The following ASAP2 variants were observed in gnomAD, a reference collection of about 807,000 sequenced individuals.
ASAP2 encodes ArfGAP with SH3 domain, ankyrin repeat and PH domain 2.
ASAP2 carries 45 observed loss-of-function variants against 131.4 expected under a neutral mutation model. The ratio of observed to expected loss-of-function variants is 0.34; its 90% CI spans 0.27 to 0.44. The LOEUF (loss-of-function observed/expected upper bound fraction) is 0.44. ASAP2 is among the 20% of genes least tolerant of loss of function. The pLI is 1.00. For synonymous variants in ASAP2, 510 were observed against 503.0 expected (o/e 1.01, Z -0.19); for missense variants, 1,011 against 1,297.0 (o/e 0.78, Z 3.39).
chr2:9,273,156 A>G (rs1026361254), intron 1 of ASAP2, among the ~76,000 whole-genome samples: 5 of 152,200 alleles, frequency 3.3e-5, no homozygotes, highest in African/African-American at 1.2e-4. Flanking sequence ...CATTTTAACA[A>G]TATTGATTCT....
In ASAP2 at chr2:9,405,541, T is replaced by TG. The variant is rs755942484; in HGVS notation, c.*2215dup. 6.6e-6 allele frequency: 1 copy of TG among 152,662 alleles called. No homozygotes were observed. Among genetic ancestry groups the TG allele is most frequent in the Non-Finnish European group, 1.5e-5 (1 of 68,044 alleles). 9.5% of individuals were successfully genotyped at this position (152,662 alleles called of 1,614,324 possible). On this transcript the variant is annotated 3_prime_UTR_variant, in exon 28 of 28. Coordinates refer to ENST00000281419, the MANE Select transcript of ASAP2 (RefSeq NM_003887.3). ...CTGATTACTTTGGTTGCAGCACAAC[T>TG]GTATATATTGTATAACCGAAATTGA...
At chr2:9,234,452 C>T (rs552362514) in intron 1 of ASAP2, among the ~76,000 whole-genome samples, 12 of 152,088 alleles carry the variant, frequency 7.9e-5, no homozygotes, top group African/African-American at 1.7e-4. Context: ...AAGGTAATGG[C>T]GGCGCGTGGC....
intron 16 of ASAP2, among the ~76,000 whole-genome samples, chr2:9,372,437 G>A (rs1450176966): frequency 2.0e-5 from 3 of 152,054 alleles, no homozygotes; most frequent in Non-Finnish European, 4.4e-5. Context: ...GAAACTCAAA[G>A]GTTTCTGGAA....
At chr2:9,319,637 A>C (rs1670027936) in intron 4 of ASAP2, among the ~76,000 whole-genome samples, 1 of 152,260 alleles carries the variant, frequency 6.6e-6, no homozygotes, top group South Asian at 2.1e-4. Flanking sequence ...ACCTGAGGCC[A>C]TTGAAAAGCC....
intron 3 of ASAP2, among the ~76,000 whole-genome samples, chr2:9,316,096 A>C (rs1469546746): frequency 6.6e-6 from 1 of 152,102 alleles, no homozygotes; most frequent in Non-Finnish European, 1.5e-5. Flanking sequence ...AGGAGGGCAG[A>C]TTGCTTAAGT....
At chr2:9,220,603 C>A (rs1020324414) in intron 1 of ASAP2, among the ~76,000 whole-genome samples, 3 of 152,154 alleles carry the variant, frequency 2.0e-5, no homozygotes, top group Admixed American at 2.0e-4. Flanking sequence ...GAACATTAGA[C>A]CCAGATCAGA....
At chr2:9,320,715 T>C (rs1347307367) in intron 5 of ASAP2, among the ~76,000 whole-genome samples, 3 of 152,214 alleles carry the variant, frequency 2.0e-5, no homozygotes, top group Admixed American at 6.5e-5. Flanking sequence ...TTCCTGGTGA[T>C]TTGTGAAAGC....
chr2:9,312,125 C>T lies in ASAP2; in HGVS notation c.346-6399C>T, dbSNP rs114772672. ...AGTGGTGCAACCATCACCTCAAATC[C>T]GTTTTAGGACATTTTCTTCTCCCCT... On this transcript the variant is annotated intron_variant, in intron 3 of 27. Transcript: ENST00000281419. Among the ~76,000 whole-genome samples, 805 of 152,276 alleles carry T rather than the reference C, an allele frequency of 5.3e-3. 7 individuals carry two copies. The highest frequency in any genetic ancestry group is 0.019 in the African/African-American group (769 of 41,524).
At chr2:9,271,289 AC>A in intron 1 of ASAP2, 1 of 796,518 alleles carries the variant, frequency 1.3e-6, no homozygotes, top group South Asian at 1.4e-5. Context: ...AAGCATTTAA[AC>A]CCCATGAATC....
At chr2:9,271,878 C>T (rs1666427695) in intron 1 of ASAP2, among the ~76,000 whole-genome samples, 1 of 152,038 alleles carries the variant, frequency 6.6e-6, no homozygotes, top group African/African-American at 2.4e-5. Context: ...ATCATTGCAG[C>T]TGACAGGATC....
At chr2:9,326,966 A>G (rs552020938) in intron 6 of ASAP2, among the ~76,000 whole-genome samples, 6 of 152,360 alleles carry the variant, frequency 3.9e-5, no homozygotes, top group African/African-American at 1.4e-4. Flanking sequence ...AATTTGATAC[A>G]TTACCAAATA....
chr2:9,254,226 AAAAAAAAAAAAT>A (rs1416255072), intron 1 of ASAP2, among the ~76,000 whole-genome samples: 2 of 72,374 alleles, frequency 2.8e-5, no homozygotes, highest in Non-Finnish European at 5.4e-5. Context: ...AAAAAAAAAA[AAAAAAAAAAAAT>A]ATATATATAT....
chr2:9,281,185 T>C lies in ASAP2; in HGVS notation c.199+1796T>C, dbSNP rs1667108969. On this transcript the variant is annotated intron_variant, in intron 2 of 27. Coordinates refer to ENST00000281419, the MANE Select transcript of ASAP2 (RefSeq NM_003887.3). The surrounding 1 kb of genome is among the most constrained non-coding windows in gnomAD (Gnocchi z 4.0). ...CACTTGGACTTTTTGAGTTTATAAC[T>C]TGAGGGATATTTGATATTCTGGTCA... Among the ~76,000 whole-genome samples, 1 of 152,132 alleles carries C rather than the reference T, an allele frequency of 6.6e-6. No individual in the cohort carries two copies. Among genetic ancestry groups the C allele is most frequent in the Non-Finnish European group, 1.5e-5 (1 of 68,016 alleles).
At chr2:9,369,238 C>G (rs1041646257) in intron 16 of ASAP2, among the ~76,000 whole-genome samples, 1 of 152,152 alleles carries the variant, frequency 6.6e-6, no homozygotes, top group African/African-American at 2.4e-5. Context: ...AGGCTGGACT[C>G]GAACTCCTGA....
chr2:9,335,261 C>A, intron 9 of ASAP2, 82 bp downstream of exon 9: 2 of 1,215,238 alleles, frequency 1.6e-6, no homozygotes, highest in Non-Finnish European at 2.4e-6. Context: ...AAGTTCATGT[C>A]TTCTAGGAGC....
chr2:9,368,911 G>C (rs531337965), intron 16 of ASAP2, among the ~76,000 whole-genome samples: 2 of 151,938 alleles, frequency 1.3e-5, no homozygotes, highest in African/African-American at 4.8e-5. Flanking sequence ...ATTATGTAGC[G>C]TCCTTCTTGC....
At chr2:9,289,458 C>G (rs1667662634) in intron 2 of ASAP2, among the ~76,000 whole-genome samples, 1 of 152,052 alleles carries the variant, frequency 6.6e-6, no homozygotes, top group African/African-American at 2.4e-5. Flanking sequence ...TATTCTTGAC[C>G]CGTAATGGAA....
At chr2:9,393,734 C>A in intron 24 of ASAP2, 87 bp downstream of exon 24, 1 of 1,371,392 alleles carries the variant, frequency 7.3e-7, no homozygotes. Flanking sequence ...TTTGCAATCC[C>A]CAGGGCTCCT....
rs1201603009 is a variant in ASAP2, at chr2:9,240,380, G to A, written c.126+33150G>A. On this transcript the variant is annotated intron_variant, in intron 1 of 27. Coordinates refer to ENST00000281419, the MANE Select transcript of ASAP2 (RefSeq NM_003887.3). ...GTGATCCTCCCACATCCACCTCCCCGGTAGCTGGGATCACAGGCATGCACC... is the reference window on the plus strand; with the variant it reads ...GTGATCCTCCCACATCCACCTCCCCAGTAGCTGGGATCACAGGCATGCACC... Among the ~76,000 whole-genome samples, 11 of 151,206 alleles carry A rather than the reference G, an allele frequency of 7.3e-5. No individual in the cohort carries two copies. In the East Asian group the frequency reaches 7.8e-4, roughly 11 times the overall value.
Sources: gnomAD v4.1 joint callset for allele counts (sites outside exome capture counted in the v4.1 genomes callset) on GRCh38, gnomAD v4.1.1 for gene constraint, Gnocchi (gnomAD v3.1) non-coding constraint, MANE v1.5 for transcripts, NCBI Gene and HGNC (gene_info 2026-07-23, HGNC 2026-07-21) for gene names.